The following PALM variants were observed in gnomAD, a reference collection of about 807,000 sequenced individuals.
The protein encoded by PALM is paralemmin, also known as paralemmin-1.
PALM carries 18 observed loss-of-function variants against 30.7 expected under a neutral mutation model. The ratio of observed to expected loss-of-function variants is 0.59; its 90% CI spans 0.41 to 0.87. PALM has a LOEUF of 0.87. Ranked by LOEUF, PALM falls within the 40% of genes least tolerant of loss-of-function variation. The pLI is 0.00. For missense variants in PALM, 529 were observed against 555.4 expected, an observed-to-expected ratio of 0.95 and a Z score of 0.48; for synonymous variants, 286 against 242.8, an observed-to-expected ratio of 1.18 and a Z score of -1.66.
intron 1 of PALM, among the ~76,000 whole-genome samples, chr19:723,681 C>G (rs1454891144): frequency 6.6e-6 from 1 of 152,132 alleles, no homozygotes; most frequent in Admixed American, 6.6e-5. Context: ...ACCTCCGCCT[C>G]CTGGGTTCAA....
intron 1 of PALM, among the ~76,000 whole-genome samples, chr19:720,675 C>A (rs2032447574): frequency 6.6e-6 from 1 of 151,876 alleles, no homozygotes; most frequent in Non-Finnish European, 1.5e-5. Flanking sequence ...GAGGGGCCTG[C>A]GCCCTGGGGC....
chr19:728,095 C>A (rs112970990), intron 4 of PALM, among the ~76,000 whole-genome samples: 1 of 152,118 alleles, frequency 6.6e-6, no homozygotes, highest in Non-Finnish European at 1.5e-5. Flanking sequence ...GGCTTCCTGG[C>A]GCCAGCCCAG....
At chr19:721,992 C>T (rs961421857) in intron 1 of PALM, among the ~76,000 whole-genome samples, 2 of 152,132 alleles carry the variant, frequency 1.3e-5, no homozygotes, top group African/African-American at 2.4e-5. Flanking sequence ...AATCTCGGCT[C>T]ACTGCAAGCT....
chr19:733,816 G>A (rs774067185), intron 5 of PALM, among the ~76,000 whole-genome samples: 4 of 152,074 alleles, frequency 2.6e-5, no homozygotes, highest in African/African-American at 7.2e-5. Flanking sequence ...GAGAAACCCC[G>A]TCTCTACTAA....
intron 8 of PALM, among the ~76,000 whole-genome samples, chr19:740,756 G>A (rs917372129): frequency 1.3e-5 from 2 of 152,204 alleles, no homozygotes; most frequent in African/African-American, 4.8e-5. Context: ...GGCTCTGGAG[G>A]GAAATCCGGA....
Position 744,272 on chromosome 19 carries a change from C to T in PALM, c.635-2013C>T, listed in dbSNP as rs544835162. On this transcript the variant is annotated intron_variant, in intron 8 of 8. Transcript: ENST00000338448. ...AAAATTAGCCAGGTGTGGTGGCAGG[C>T]GCCTGTAATCCCAGCTAGTCAGGAG... Among the ~76,000 whole-genome samples the T allele has an allele frequency of 9.0e-4, 136 of 151,682 alleles. 1 individual carries two copies. The highest frequency in any genetic ancestry group is 1.4e-3 in the Non-Finnish European group (92 of 67,906).
At chr19:727,957 C>T (rs552209313) in intron 4 of PALM, 8 of 413,580 alleles carry the variant, frequency 1.9e-5, no homozygotes, top group South Asian at 1.6e-4. Context: ...CCCTTCCCAC[C>T]GCCCTCGTTT....
chr19:723,650 G>A (rs918179436), intron 1 of PALM, among the ~76,000 whole-genome samples: 12 of 8,898 alleles, frequency 1.3e-3, no homozygotes, highest in African/African-American at 4.4e-3. Flanking sequence ...GGAGTGCAGC[G>A]CGTGATCTCT....
At chr19:710,295 C>A (rs979779810) in intron 1 of PALM, among the ~76,000 whole-genome samples, 16 of 152,224 alleles carry the variant, frequency 1.1e-4, no homozygotes, top group African/African-American at 3.9e-4. Context: ...GCGAGACACC[C>A]AGTGTCCTCT....
intron 1 of PALM, chr19:719,761 T>A: frequency 2.2e-6 from 1 of 455,178 alleles, no homozygotes; most frequent in Non-Finnish European, 2.9e-6. Context: ...CCCCCGCGCC[T>A]GGCGGGCCCC....
intron 1 of PALM, among the ~76,000 whole-genome samples, chr19:722,122 G>T (rs927983546): frequency 6.6e-6 from 1 of 150,816 alleles, no homozygotes; most frequent in South Asian, 2.1e-4. Context: ...GTTTCACCGT[G>T]TTAGCCAGGA....
At chr19:729,983 G>A (rs893240554) in intron 4 of PALM, among the ~76,000 whole-genome samples, 1 of 152,202 alleles carries the variant, frequency 6.6e-6, no homozygotes, top group African/African-American at 2.4e-5. Context: ...CAGGCCCCTC[G>A]ATGGAGGGTG....
chr19:713,950 G>A (rs867260873), intron 1 of PALM, among the ~76,000 whole-genome samples: 4 of 148,076 alleles, frequency 2.7e-5, no homozygotes, highest in South Asian at 2.1e-4. Context: ...TGTCACCCAG[G>A]CTGGAGTGCA....
chr19:737,444 A>G (rs932744316), intron 7 of PALM, among the ~76,000 whole-genome samples: 6 of 152,248 alleles, frequency 3.9e-5, no homozygotes, highest in Non-Finnish European at 8.8e-5. Context: ...CGCCTGCTGC[A>G]TGCCAGGCAT....
In PALM at chr19:739,955, G is replaced by A. The variant is rs2238562; in HGVS notation, c.503-397G>A. 0.03 allele frequency among the ~76,000 whole-genome samples: 4,541 copies of A among 152,216 alleles called. 384 individuals are homozygous for A. The East Asian group carries it at 0.34, about 11-fold the overall frequency. ...TCCAGCCGGGGCGACAGAGCAAGGCGGCTCCATCTCAAAAAAATTAAAAAG... is the reference window on the plus strand; with the variant it reads ...TCCAGCCGGGGCGACAGAGCAAGGCAGCTCCATCTCAAAAAAATTAAAAAG... On this transcript the variant is annotated intron_variant, in intron 7 of 8. Transcript: ENST00000338448.
rs1406058657 is a variant in PALM, at chr19:727,690, T to C, written c.265T>C (p.Ser89Pro). The change falls in exon 4 of 9, where the codon TCC (serine) becomes CCC (proline). Residue 89 changes from serine to proline, a missense_variant. Coordinates refer to ENST00000338448, the MANE Select transcript of PALM (RefSeq NM_002579.3). ...QKTRLLEDSV[S>P]RLEKEIEVLE... ...GACACGGCTGCTGGAGGACTCGGTG[T>C]CCAGGTGGGGGCTGCAGCGTGGGTG... 1.3e-6 allele frequency: 2 copies of C among 1,556,190 alleles called. No homozygotes were observed. Among genetic ancestry groups the C allele is most frequent in the African/African-American group, 1.4e-5 (1 of 73,966 alleles).
chr19:746,564 A>G lies in PALM; in HGVS notation c.914A>G (p.Tyr305Cys). The G allele has an allele frequency of 6.2e-7, 1 of 1,613,338 alleles. No individual in the cohort carries two copies. Among genetic ancestry groups the G allele is most frequent in the South Asian group, 1.1e-5 (1 of 91,080 alleles). Residue 305 changes from tyrosine to cysteine, a missense_variant, in exon 9 of 9, where the codon TAC becomes TGC. Tyr to Cys is a radical substitution (Grantham distance 194, BLOSUM62 -2). Coordinates refer to ENST00000338448, the MANE Select transcript of PALM (RefSeq NM_002579.3). The surrounding 1 kb of genome is among the most constrained non-coding windows in gnomAD (Gnocchi z 7.1). ...CCGGTCACAATGATCTTCATGGGTT[A>G]CCAGAACGTGGAGGATGAGGCCGAG... is the stretch of plus-strand genomic sequence containing the variant. ...EPPVTMIFMGYQNVEDEAETK... is the reference protein window; with the variant it reads ...EPPVTMIFMGCQNVEDEAETK...
intron 2 of PALM, among the ~76,000 whole-genome samples, chr19:726,798 C>T (rs376371564): frequency 5.3e-5 from 8 of 152,222 alleles, no homozygotes; most frequent in East Asian, 1.9e-4. Flanking sequence ...CCACCGTGCC[C>T]GGCCAGTCAT....
At chr19:725,860 T>C (rs775397803) in intron 1 of PALM, among the ~76,000 whole-genome samples, 2 of 152,156 alleles carry the variant, frequency 1.3e-5, no homozygotes, top group African/African-American at 2.4e-5. Flanking sequence ...TGATGCCTGG[T>C]GAACTCCTAT....
Sources: allele counts gnomAD v4.1 joint callset (sites outside exome capture counted in the v4.1 genomes callset), GRCh38; gene constraint gnomAD v4.1.1; non-coding constraint Gnocchi (gnomAD v3.1); transcripts MANE v1.5; gene names NCBI Gene and HGNC (gene_info 2026-07-23, HGNC 2026-07-21).